DPY19L2: variants seen among roughly 807,000 people sequenced by gnomAD.
The protein encoded by DPY19L2 is probable C-mannosyltransferase DPY19L2.
DPY19L2 carries 34 observed loss-of-function variants against 97.9 expected under a neutral mutation model. The observed-to-expected ratio is 0.35, with a 90% confidence interval of 0.26 to 0.46. The LOEUF (loss-of-function observed/expected upper bound fraction) is 0.46. Ranked by LOEUF, DPY19L2 falls within the 20% of genes least tolerant of loss-of-function variation. The pLI, the probability that DPY19L2 is intolerant of heterozygous loss-of-function variation, is 1.00. For synonymous variants in DPY19L2, 230 were observed against 307.9 expected (o/e 0.75, Z 2.65); for missense variants, 623 against 911.4 (o/e 0.68, Z 4.07).
chr12:63,581,213 T>C (rs531553896), intron 18 of DPY19L2, among the ~76,000 whole-genome samples: 2 of 152,272 alleles, frequency 1.3e-5, no homozygotes, highest in South Asian at 2.1e-4. Flanking sequence ...GCATGATATA[T>C]ATAGATTCTT....
chr12:63,626,340 T>A (rs4763095), intron 7 of DPY19L2, 129 bp downstream of exon 7: 228,416 of 1,141,614 alleles, frequency 0.2, 25,820 homozygotes, highest in African/African-American at 0.46. Context: ...ATCAACTTAT[T>A]ACACAAGGGT....
rs1395400360 is a variant in DPY19L2, at chr12:63,617,793, T to C, written c.1131+358A>G. Among the ~76,000 whole-genome samples, 4 of 152,066 alleles carry C rather than the reference T, an allele frequency of 2.6e-5. 1 individual carries two copies. The highest frequency in any genetic ancestry group is 5.9e-5 in the Non-Finnish European group (4 of 67,982). On this transcript the variant is annotated intron_variant, in intron 10 of 21. Coordinates refer to ENST00000324472, the MANE Select transcript of DPY19L2 (RefSeq NM_173812.5). ...TTTTAAGGAAGCTATGTTTGGGACC[T>C]AAGCCAAAAACAAAATTGCAAGAAT...
intron 9 of DPY19L2, among the ~76,000 whole-genome samples, chr12:63,619,551 A>C (rs1888353563): frequency 6.6e-6 from 1 of 151,468 alleles, no homozygotes; most frequent in Non-Finnish European, 1.5e-5. Flanking sequence ...TCACTCTGTC[A>C]CCCAGGCTGG....
chr12:63,596,877 T>C (rs1366124570), intron 14 of DPY19L2, among the ~76,000 whole-genome samples: 4 of 152,190 alleles, frequency 2.6e-5, no homozygotes, highest in African/African-American at 7.2e-5. Flanking sequence ...GCAAATCTTT[T>C]AAGCTTTTCT....
intron 4 of DPY19L2, among the ~76,000 whole-genome samples, chr12:63,650,127 T>C (rs1171013209): frequency 6.6e-6 from 1 of 152,150 alleles, no homozygotes; most frequent in Non-Finnish European, 1.5e-5. Flanking sequence ...CATCCTTTCA[T>C]TTTAAAAGCC....
At position 63,580,854 on chromosome 12, in the gene DPY19L2, G is replaced by A. The variant is rs571815788; in HGVS notation, c.1726-18C>T. 8.7e-6 allele frequency: 14 copies of A among 1,607,350 alleles called. No individual in the cohort carries two copies. Among genetic ancestry groups the A allele is most frequent in the East Asian group, 4.5e-5 (2 of 44,796 alleles). On this transcript the variant is annotated intron_variant, in intron 18 of 21. Transcript: ENST00000324472. ...CCAAAGAGCTGAAACGAAAGAAACC[G>A]TTTATTTCTAGTTCTTATATGAAGA...
At chr12:63,597,333 TA>T in intron 14 of DPY19L2, among the ~76,000 whole-genome samples, 1 of 152,224 alleles carries the variant, frequency 6.6e-6, no homozygotes, top group African/African-American at 2.4e-5. Flanking sequence ...TGCATTTGTA[TA>T]ATTTAAAATG....
intron 12 of DPY19L2, among the ~76,000 whole-genome samples, chr12:63,603,549 G>A (rs1242409244): frequency 1.3e-5 from 2 of 152,008 alleles, no homozygotes; most frequent in Non-Finnish European, 2.9e-5. Flanking sequence ...AAGCCCCAGT[G>A]TGTGTTGTTC....
intron 19 of DPY19L2, 109 bp from the exon 20 acceptor site, chr12:63,570,966 A>G: frequency 9.2e-7 from 1 of 1,090,740 alleles, no homozygotes; most frequent in Admixed American, 2.7e-5. Flanking sequence ...ATGCCTATTT[A>G]CATGACCATG....
chr12:63,621,153 T>C, intron 9 of DPY19L2, 85 bp downstream of exon 9: 3 of 1,126,760 alleles, frequency 2.7e-6, no homozygotes, highest in Non-Finnish European at 3.8e-6. Flanking sequence ...GGCATACATT[T>C]ACCTACATAA....
At chr12:63,593,148 C>G (rs866924941) in intron 16 of DPY19L2, among the ~76,000 whole-genome samples, 21 of 152,006 alleles carry the variant, frequency 1.4e-4, no homozygotes, top group Admixed American at 1.3e-3. Flanking sequence ...CAACAGGTGC[C>G]GGAGAGGATG....
Position 63,661,489 on chromosome 12 carries a change from TA to T in DPY19L2, c.451-9del, listed in dbSNP as rs552030278. On this transcript the variant is annotated splice_polypyrimidine_tract_variant and intron_variant, in intron 3 of 21. Coordinates refer to ENST00000324472, the MANE Select transcript of DPY19L2 (RefSeq NM_173812.5). Reference sequence around the variant, plus strand: ...GTATGAATAATAAAGTCCCTTTTTTTAAAAAAAGACATATATTGTCAATGTA... The same window carrying T: ...GTATGAATAATAAAGTCCCTTTTTTTAAAAAAGACATATATTGTCAATGTA... 1.9e-6 allele frequency: 3 copies of T among 1,539,122 alleles called. No homozygotes were observed. The highest frequency in any genetic ancestry group is 2.6e-5 in the South Asian group (2 of 78,244).
At chr12:63,664,575 A>C (rs1487726982) in intron 2 of DPY19L2, among the ~76,000 whole-genome samples, 1 of 151,804 alleles carries the variant, frequency 6.6e-6, no homozygotes, top group Non-Finnish European at 1.5e-5. Context: ...ACTTACAATA[A>C]GTATAATATC....
chr12:63,581,367 A>G (rs1273397683), intron 18 of DPY19L2, among the ~76,000 whole-genome samples: 11 of 152,078 alleles, frequency 7.2e-5, no homozygotes, highest in African/African-American at 2.7e-4. Context: ...ATAGAACCCC[A>G]GAATTTCTTA....
intron 5 of DPY19L2, among the ~76,000 whole-genome samples, chr12:63,646,884 C>A (rs1893482987): frequency 6.6e-6 from 1 of 152,086 alleles, no homozygotes; most frequent in East Asian, 1.9e-4. Context: ...TAAATTTATA[C>A]ATTAGCTATT....
At chr12:63,589,762 ATAAG>A (rs1443194140) in intron 16 of DPY19L2, among the ~76,000 whole-genome samples, 2 of 152,204 alleles carry the variant, frequency 1.3e-5, no homozygotes, top group Non-Finnish European at 2.9e-5. Context: ...TAAATGAACT[ATAAG>A]TTGACATCTT....
intron 6 of DPY19L2, among the ~76,000 whole-genome samples, chr12:63,631,857 T>C (rs568042192): frequency 2.2e-4 from 34 of 152,112 alleles, no homozygotes; most frequent in Non-Finnish European, 4.7e-4. Context: ...ATCAAAAAGC[T>C]TATCTACCAT....
Sources: allele counts gnomAD v4.1 joint callset (sites outside exome capture counted in the v4.1 genomes callset), GRCh38; gene constraint gnomAD v4.1.1; transcripts MANE v1.5; gene names NCBI Gene and HGNC (gene_info 2026-07-23, HGNC 2026-07-21).